Variants in TP63 observed in about 807,000 individuals in gnomAD.
The protein encoded by TP63 is tumor protein p63.
A neutral mutation model predicts 82.8 loss-of-function variants in TP63; 17 were observed. The observed-to-expected ratio is 0.21, with a 90% CI of 0.14 to 0.31. The LOEUF (loss-of-function observed/expected upper bound fraction) is 0.31. Ranked by LOEUF, TP63 falls within the 10% of genes least tolerant of loss-of-function variation. The pLI is 1.00. For missense variants in TP63, 648 were observed against 895.3 expected, an observed-to-expected ratio of 0.72 and a Z score of 3.52; for synonymous variants, 330 against 321.7, an observed-to-expected ratio of 1.03 and a Z score of -0.28.
Position 189,870,116 on chromosome 3 carries a change from A to G in TP63, c.1212+710A>G, listed in dbSNP as rs141338674. ...TAAGATTATCCTAGGCAGCATGGCC[A>G]TAGAAATTTAGGCCGAAAATGTTGT... is the stretch of plus-strand genomic sequence containing the variant. On this transcript the variant is annotated intron_variant, in intron 9 of 13. Transcript: ENST00000264731. 5.3e-5 allele frequency among the ~76,000 whole-genome samples: 8 copies of G among 152,294 alleles called. No individual in the cohort carries two copies. In the East Asian group the frequency reaches 1.5e-3, roughly 29 times the overall value.
chr3:189,635,094 G>A (rs1160068459), intron 1 of TP63, among the ~76,000 whole-genome samples: 1 of 151,968 alleles, frequency 6.6e-6, no homozygotes, highest in Non-Finnish European at 1.5e-5. Flanking sequence ...TTAGAGAAAA[G>A]TAAACATCAT....
intron 1 of TP63, among the ~76,000 whole-genome samples, chr3:189,702,215 G>A (rs968664406): frequency 6.6e-6 from 1 of 152,148 alleles, no homozygotes; most frequent in Admixed American, 6.6e-5. Flanking sequence ...TTCCCTGAGG[G>A]AATTAAAGGT....
rs1462078751 is a variant in TP63, at chr3:189,895,486, A to T, written c.*984A>T. The stretch of plus-strand genomic sequence containing the variant: ...TGACTAACTCAAATACACATTTGCT[A>T]CTGTTGTAAGAATTCTGATTGATTT... On this transcript the variant is annotated 3_prime_UTR_variant, in exon 14 of 14. Coordinates refer to ENST00000264731, the MANE Select transcript of TP63 (RefSeq NM_003722.5). 2 of 219,592 alleles carry T rather than the reference A, an allele frequency of 9.1e-6. No individual in the cohort carries two copies. The highest frequency in any genetic ancestry group is 1.8e-5 in the Non-Finnish European group (2 of 109,642). The allele number at this position is 219,592 out of a possible 1,614,324, so 13.6% of individuals were successfully genotyped here. A position where few individuals can be genotyped will look rare whatever the true frequency, so the allele number is the denominator to read the frequency against.
chr3:189,858,611 C>CA (rs1463694271), intron 4 of TP63, among the ~76,000 whole-genome samples: 1 of 151,882 alleles, frequency 6.6e-6, no homozygotes, highest in Non-Finnish European at 1.5e-5. Context: ...CCCATCTCTA[C>CA]AAAAAACATA....
intron 3 of TP63, chr3:189,789,945 T>C: frequency 8.7e-7 from 1 of 1,149,890 alleles, no homozygotes; most frequent in Non-Finnish European, 1.2e-6. Context: ...CAATGTAATG[T>C]TTTGCAAATT....
the TP63 span, among the ~76,000 whole-genome samples, chr3:189,612,412 C>G: frequency 0.23 from 34,912 of 152,084 alleles, 4,544 homozygotes; most frequent in Admixed American, 0.33. Flanking sequence ...TTGCTGCTGC[C>G]ATGTAAGAAG....
chr3:189,789,613 C>T, intron 3 of TP63: 4 of 1,317,504 alleles, frequency 3.0e-6, no homozygotes, highest in African/African-American at 1.5e-5. Flanking sequence ...GTCCCGCCTC[C>T]TCATGCCTAT....
the TP63 span, among the ~76,000 whole-genome samples, chr3:189,611,549 T>C: frequency 6.6e-6 from 1 of 152,214 alleles, no homozygotes; most frequent in South Asian, 2.1e-4. Flanking sequence ...AGCCTTGTAG[T>C]ATAGTTTGAA....
Position 189,640,195 on chromosome 3 carries a change from TA to T in TP63, c.62+8626del, listed in dbSNP as rs919312388. ...TTCCATGACACTGCAACTGCCTCTA[TA>T]AAAAAAATTTTCATAAGATGTATTT... On this transcript the variant is annotated intron_variant, in intron 1 of 13. Transcript: ENST00000264731. Among the ~76,000 whole-genome samples, 15 of 152,122 alleles carry T rather than the reference TA, an allele frequency of 9.9e-5. No individual in the cohort carries two copies. The South Asian group carries it at 1.9e-3, about 19-fold the overall frequency.
At chr3:189,803,993 C>G (rs1364590867) in intron 3 of TP63, among the ~76,000 whole-genome samples, 1 of 152,112 alleles carries the variant, frequency 6.6e-6, no homozygotes, top group African/African-American at 2.4e-5. Context: ...AATCAAGATG[C>G]CTTGTGTTTA....
intron 1 of TP63, among the ~76,000 whole-genome samples, chr3:189,648,516 G>A (rs915556900): frequency 1.4e-5 from 2 of 146,778 alleles, no homozygotes; most frequent in Admixed American, 6.7e-5. Flanking sequence ...ATAATTCTTG[G>A]TACATTTACT....
At chr3:189,661,697 T>C (rs1195353851) in intron 1 of TP63, among the ~76,000 whole-genome samples, 1 of 151,754 alleles carries the variant, frequency 6.6e-6, no homozygotes, top group Non-Finnish European at 1.5e-5. Flanking sequence ...GTGAATTATG[T>C]AGTCAGGCTT....
At chr3:189,767,219 G>A (rs1723019939) in intron 3 of TP63, among the ~76,000 whole-genome samples, 1 of 152,096 alleles carries the variant, frequency 6.6e-6, no homozygotes, top group Non-Finnish European at 1.5e-5. Context: ...AATCACAGAT[G>A]TCAGTGGATT....
chr3:189,865,508 C>A (rs1381584525), intron 5 of TP63, among the ~76,000 whole-genome samples: 1 of 152,056 alleles, frequency 6.6e-6, no homozygotes, highest in Non-Finnish European at 1.5e-5. Context: ...AAAGCATAAG[C>A]AATCCTCAAA....
intron 4 of TP63, among the ~76,000 whole-genome samples, chr3:189,812,771 GT>G (rs1300804713): frequency 6.6e-6 from 1 of 152,116 alleles, no homozygotes; most frequent in African/African-American, 2.4e-5. Context: ...AATTTCTTCG[GT>G]TCGTGAGTTC....
chr3:189,616,076 G>T, the TP63 span, among the ~76,000 whole-genome samples: 2 of 152,088 alleles, frequency 1.3e-5, no homozygotes, highest in Middle Eastern at 3.2e-3. Flanking sequence ...ATCAGACAAG[G>T]TCTCTTCATG....
chr3:189,696,689 C>G (rs1198511156), intron 1 of TP63, among the ~76,000 whole-genome samples: 1 of 152,058 alleles, frequency 6.6e-6, no homozygotes, highest in African/African-American at 2.4e-5. Flanking sequence ...TCCTTCTGGC[C>G]CCACATCTTC....
chr3:189,693,336 A>G (rs1717094709), intron 1 of TP63, among the ~76,000 whole-genome samples: 1 of 152,210 alleles, frequency 6.6e-6, no homozygotes, highest in Non-Finnish European at 1.5e-5. Flanking sequence ...ATTCTGCAGA[A>G]TGATTTCAGA....
chr3:189,878,442 G>A (rs2108835718), intron 10 of TP63, among the ~76,000 whole-genome samples: 1 of 138,832 alleles, frequency 7.2e-6, no homozygotes, highest in Non-Finnish European at 1.5e-5. Flanking sequence ...AGGCTAGAGT[G>A]CAGTGGCATG....
Sources: allele counts gnomAD v4.1 joint callset (sites outside exome capture counted in the v4.1 genomes callset), GRCh38; gene constraint gnomAD v4.1.1; transcripts MANE v1.5; gene names NCBI Gene and HGNC (gene_info 2026-07-23, HGNC 2026-07-21).